Variants in SUN2 observed in about 807,000 individuals in gnomAD.
SUN2 encodes the protein Sad1 and UNC84 domain containing 2.
SUN2 carries 60 observed loss-of-function variants against 100.0 expected under a neutral mutation model. The ratio of observed to expected loss-of-function variants is 0.60; its 90% CI spans 0.49 to 0.74. The LOEUF (loss-of-function observed/expected upper bound fraction) is 0.74, where lower values mean the gene tolerates loss of function less well. Ranked by LOEUF, SUN2 falls within the 30% of genes least tolerant of loss-of-function variation. The pLI, the probability that SUN2 is intolerant of heterozygous loss-of-function variation, is 0.00. For missense variants in SUN2, 834 were observed against 954.6 expected, an observed-to-expected ratio of 0.87 and a Z score of 1.66; for synonymous variants, 367 against 403.3, an observed-to-expected ratio of 0.91 and a Z score of 1.08.
Position 38,755,887 on chromosome 22 carries a change from G to T in SUN2, c.-162C>A. 1.0e-6 allele frequency: 1 copy of T among 982,218 alleles called. No homozygotes were observed. Among genetic ancestry groups the T allele is most frequent in the South Asian group, 4.7e-5 (1 of 21,320 alleles). 60.8% of individuals were successfully genotyped at this position (982,218 alleles called of 1,614,324 possible). Reference sequence around the variant, plus strand: ...CCGCTCAGGGCGACACAGCGGCCGGGCCCGGGGCGCGCGGGCACGCGAAGA... The same window carrying T: ...CCGCTCAGGGCGACACAGCGGCCGGTCCCGGGGCGCGCGGGCACGCGAAGA... On this transcript the variant is annotated 5_prime_UTR_variant, in exon 1 of 18. Coordinates refer to ENST00000689035, the MANE Select transcript of SUN2 (RefSeq NM_015374.3). The surrounding 1 kb of genome is among the most constrained non-coding windows in gnomAD (Gnocchi z 5.7).
chr22:38,752,602 C>T lies in SUN2; in HGVS notation c.27G>A (p.Thr9=), dbSNP rs367673351. 13 of 1,613,832 alleles carry T rather than the reference C, an allele frequency of 8.1e-6. No individual in the cohort carries two copies. Among genetic ancestry groups the T allele is most frequent in the African/African-American group, 1.3e-5 (1 of 74,940 alleles). ...CGTCATCGTCACCCTGGGAGTAGCG[C>T]GTGAGGCGCTGGCTTCTTCGGGACA... MSRRSQRL[T]RYSQGDDDGS... The change falls in exon 2 of 18, where the codon ACG becomes ACA. Residue 9 remains threonine (T), a synonymous_variant. Coordinates refer to ENST00000689035, the MANE Select transcript of SUN2 (RefSeq NM_015374.3).
intron 2 of SUN2, among the ~76,000 whole-genome samples, chr22:38,751,729 G>A (rs1178912662): frequency 6.6e-6 from 1 of 152,232 alleles, no homozygotes; most frequent in African/African-American, 2.4e-5. Context: ...CGACCAGGCA[G>A]CTGCTGCCAC....
Position 38,740,188 on chromosome 22 carries a change from G to T in SUN2, c.1356+79C>A. 2 of 1,439,546 alleles carry T rather than the reference G, an allele frequency of 1.4e-6. No homozygotes were observed. Among genetic ancestry groups the T allele is most frequent in the Non-Finnish European group, 9.2e-7 (1 of 1,091,052 alleles). 89.2% of individuals were successfully genotyped at this position (1,439,546 alleles called of 1,614,324 possible). A position where few individuals can be genotyped will look rare whatever the true frequency, so the allele number is the denominator to read the frequency against. On this transcript the variant is annotated intron_variant, in intron 12 of 17. Transcript: ENST00000689035. The surrounding 1 kb of genome is among the most constrained non-coding windows in gnomAD (Gnocchi z 4.8). ...AACAGAGGCTGCAGGGGCAAGGGGTGCTGCTTTGCAGGCCCCAGGACACGT... is the reference window on the plus strand; with the variant it reads ...AACAGAGGCTGCAGGGGCAAGGGGTTCTGCTTTGCAGGCCCCAGGACACGT...
intron 7 of SUN2, among the ~76,000 whole-genome samples, chr22:38,748,051 C>T (rs926522188): frequency 6.6e-6 from 1 of 152,134 alleles, no homozygotes; most frequent in Non-Finnish European, 1.5e-5. Flanking sequence ...CACGGTGGCT[C>T]ATGCCTGTAA....
chr22:38,740,401 C>T lies in SUN2; in HGVS notation c.1222G>A (p.Val408Met). The change falls in exon 12 of 18, where the codon GTG (valine) becomes ATG (methionine). Residue 408 changes from valine (V) to methionine (M), a missense_variant. By Grantham distance (21) the Val-to-Met change is conservative (BLOSUM62 1). Transcript: ENST00000689035. The surrounding 1 kb of genome is among the most constrained non-coding windows in gnomAD (Gnocchi z 4.8). The stretch of plus-strand genomic sequence containing the variant: ...TCCTCCAGCCGCCTCAGCTCCTTCA[C>T]AGAGCTCTCCTGGAAGGACTCCTGG... ...MTQESFQESS[V>M]KELRRLEDQL... The T allele has an allele frequency of 1.3e-6, 2 of 1,567,886 alleles. No homozygotes were observed. The highest frequency in any genetic ancestry group is 3.4e-4 in the Middle Eastern group (2 of 5,948).
In SUN2 at chr22:38,735,920, T is replaced by C. The variant is rs2092800756; in HGVS notation, c.*347A>G. On this transcript the variant is annotated 3_prime_UTR_variant, in exon 18 of 18. Coordinates refer to ENST00000689035, the MANE Select transcript of SUN2 (RefSeq NM_015374.3). ...CCCCTCCCACAGCCCTGGCACCTGC[T>C]TCATCAGCTCCCAGGCACCAGCCCC... 1 of 214,642 alleles carries C rather than the reference T, an allele frequency of 4.7e-6. No individual in the cohort carries two copies. Among genetic ancestry groups the C allele is most frequent in the Non-Finnish European group, 9.9e-6 (1 of 101,264 alleles). The allele number at this position is 214,642 out of a possible 1,614,324, so 13.3% of individuals were successfully genotyped here.
chr22:38,752,809 A>G (rs1417314596), intron 1 of SUN2, 144 bp from the exon 2 acceptor site: 30 of 880,652 alleles, frequency 3.4e-5, no homozygotes, highest in Non-Finnish European at 5.0e-5. Flanking sequence ...CAGTCTAAAC[A>G]GCCCTGATGG....
intron 7 of SUN2, among the ~76,000 whole-genome samples, chr22:38,747,979 G>C (rs540673816): frequency 6.6e-6 from 1 of 152,092 alleles, no homozygotes; most frequent in Non-Finnish European, 1.5e-5. Context: ...CTGTGCTAGC[G>C]CCTGGGATGA....
intron 5 of SUN2, 42 bp from the exon 6 acceptor site, chr22:38,749,901 TG>T: frequency 6.4e-7 from 1 of 1,572,068 alleles, no homozygotes. Context: ...ATATGGTGTT[TG>T]GGGGCACCGC....
At chr22:38,741,379 C>T in intron 10 of SUN2, 115 bp downstream of exon 10, 1 of 1,095,008 alleles carries the variant, frequency 9.1e-7, no homozygotes. Flanking sequence ...GAGGGCACTC[C>T]CCTCCCCATG....
chr22:38,745,373 A>G (rs2092895510), intron 8 of SUN2, among the ~76,000 whole-genome samples: 1 of 152,168 alleles, frequency 6.6e-6, no homozygotes, highest in Non-Finnish European at 1.5e-5. Context: ...GAACTAATCA[A>G]CCATTGTAGT....
chr22:38,736,097 C>G lies in SUN2; in HGVS notation c.*170G>C, dbSNP rs573329414. 2 of 706,186 alleles carry G rather than the reference C, an allele frequency of 2.8e-6. No homozygotes were observed. The highest frequency in any genetic ancestry group is 1.8e-5 in the African/African-American group (1 of 56,250). 43.7% of individuals were successfully genotyped at this position (706,186 alleles called of 1,614,324 possible). On this transcript the variant is annotated 3_prime_UTR_variant, in exon 18 of 18. Transcript: ENST00000689035. ...AGCTGCTGGAGCCTGCTAACCGCCT[C>G]GAGCCACCTGCTGCTCAGGAGACCC... is the stretch of plus-strand genomic sequence containing the variant.
At position 38,740,417 on chromosome 22, in the gene SUN2, G is replaced by A; in HGVS notation, c.1206C>T (p.Ser402=). 1.9e-6 allele frequency: 3 copies of A among 1,546,284 alleles called. No homozygotes were observed. Among genetic ancestry groups the A allele is most frequent in the Non-Finnish European group, 1.8e-6 (2 of 1,141,454 alleles). Residue 402 remains serine, a synonymous_variant, in exon 12 of 18, where the codon TCC becomes TCT. Coordinates refer to ENST00000689035, the MANE Select transcript of SUN2 (RefSeq NM_015374.3). The surrounding 1 kb of genome is among the most constrained non-coding windows in gnomAD (Gnocchi z 4.8). ...KSEWQSMTQE[S]FQESSVKELR... ...GCTCCTTCACAGAGCTCTCCTGGAA[G>A]GACTCCTGGGTCATGCTGGTCCCAG... is the stretch of plus-strand genomic sequence containing the variant.
rs1308199788 is a variant in SUN2, at chr22:38,740,296, G to A, written c.1327C>T (p.Pro443Ser). Residue 443 changes from proline to serine, a missense_variant, in exon 12 of 18, where the codon CCC becomes TCC. Pro to Ser is a moderately conservative substitution (Grantham distance 74). Around this residue, in one of 3 missense-constraint regions of SUN2, gnomAD observed 559 missense variants for 597.7 expected, o/e 0.94. Transcript: ENST00000689035. This position sits in a 1 kb window ranked among gnomAD's most constrained non-coding sequence, Gnocchi z 4.8. ...TCCCGCACGGCCTGGATCTGCTGGG[G>A]CAGCAGGCCCACTTCTTCCGCCACC... ...SSVAEEVGLL[P>S]QQIQAVRDDV... 1 of 1,602,556 alleles carries A rather than the reference G, an allele frequency of 6.2e-7. No homozygotes were observed. Among genetic ancestry groups the A allele is most frequent in the Non-Finnish European group, 8.5e-7 (1 of 1,175,166 alleles).
At position 38,741,082 on chromosome 22, in the gene SUN2, T is replaced by C. The variant is rs2092853635; in HGVS notation, c.1147-32A>G. The C allele has an allele frequency of 1.9e-6, 3 of 1,579,964 alleles. No individual in the cohort carries two copies. The African/African-American group carries it at 4.0e-5, about 21-fold the overall frequency. On this transcript the variant is annotated intron_variant, in intron 10 of 17. Coordinates refer to ENST00000689035, the MANE Select transcript of SUN2 (RefSeq NM_015374.3). ...AGGAAGAAGGGACAAATACAAGAAA[T>C]ACTCATCTCAGAAATTGGTGTTCCA...
rs2092787762 is a variant in SUN2 at position 38,734,858 on chromosome 22, A to T, written c.*1409T>A. 2 of 191,896 alleles carry T rather than the reference A, an allele frequency of 1.0e-5. No homozygotes were observed. The highest frequency in any genetic ancestry group is 5.4e-5 in the Admixed American group (1 of 18,510). The allele number at this position is 191,896 out of a possible 1,614,324, so 11.9% of individuals were successfully genotyped here. A position where few individuals can be genotyped will look rare whatever the true frequency, so the allele number is the denominator to read the frequency against. On this transcript the variant is annotated 3_prime_UTR_variant, in exon 18 of 18. Coordinates refer to ENST00000689035, the MANE Select transcript of SUN2 (RefSeq NM_015374.3). ...ACAAACCCTGGCTGCCTCGGGATGG[A>T]GCGGGGCGGCCTCACCACCACTGCA...
chr22:38,754,840 C>G (rs1274240788), intron 1 of SUN2: 4 of 1,288,232 alleles, frequency 3.1e-6, no homozygotes, highest in Non-Finnish European at 4.0e-6. Flanking sequence ...CCTCCCAGAA[C>G]TCCCAGAGAT....
intron 8 of SUN2, 127 bp from the exon 9 acceptor site, chr22:38,742,682 C>T: frequency 7.9e-7 from 1 of 1,270,648 alleles, no homozygotes; most frequent in Non-Finnish European, 1.1e-6. Context: ...AGCATAAGGC[C>T]ATGCAGGGCC....
At chr22:38,750,009 C>T in intron 5 of SUN2, 150 bp from the exon 6 acceptor site, 2 of 1,066,652 alleles carry the variant, frequency 1.9e-6, no homozygotes, top group Non-Finnish European at 2.7e-6. Flanking sequence ...CCTTGGATCC[C>T]ACCTGCCCAC....
Sources: allele counts gnomAD v4.1 joint callset (sites outside exome capture counted in the v4.1 genomes callset), GRCh38; gene constraint gnomAD v4.1.1; regional missense constraint gnomAD v4.1.1; non-coding constraint Gnocchi (gnomAD v3.1); transcripts MANE v1.5; gene names NCBI Gene and HGNC (gene_info 2026-07-23, HGNC 2026-07-21).